Variants in OSBP2 observed in about 807,000 individuals in gnomAD.
OSBP2 encodes the protein oxysterol-binding protein 2.
In OSBP2, 66 loss-of-function variants were observed where a neutral mutation model predicts 96.0. That is an observed-to-expected ratio of 0.69 (90% CI 0.56 to 0.84). The LOEUF is 0.84. Among genes scored for constraint, OSBP2 ranks in the 40% least tolerant of loss-of-function variants. The pLI is 0.00. For missense variants in OSBP2, 1,038 were observed against 1,222.7 expected (o/e 0.85, Z 2.25); for synonymous variants, 525 against 520.9 (o/e 1.01, Z -0.11).
rs1413685645 is a variant in OSBP2, at chr22:30,906,315, G to A, written c.2727G>A (p.Trp909Ter). The A allele has an allele frequency of 8.7e-6, 14 of 1,611,768 alleles. No individual in the cohort carries two copies. The Admixed American group carries it at 2.3e-4, about 27-fold the overall frequency. ...GGGAGGCCAAGGAGAAGCAAGACTG[G>A]CATATGTGCCCCAACATCTTCTGAG... ...GYWEAKEKQD[W>*]HMCPNIF The change falls in exon 14 of 14, where the codon TGG (tryptophan) becomes TGA (stop). Residue 909 changes from tryptophan to a stop codon, truncating the protein, a stop_gained. Coordinates refer to ENST00000332585, the MANE Select transcript of OSBP2 (RefSeq NM_030758.4). LOFTEE classifies it high-confidence loss of function.
intron 2 of OSBP2, among the ~76,000 whole-genome samples, chr22:30,828,875 C>T (rs554942418): frequency 1.7e-4 from 26 of 152,250 alleles, no homozygotes; most frequent in Admixed American, 6.5e-4. Context: ...TTCATGCCAA[C>T]CCTGAGCCCC....
intron 3 of OSBP2, among the ~76,000 whole-genome samples, chr22:30,876,371 G>A (rs1033005424): frequency 1.3e-5 from 2 of 152,156 alleles, no homozygotes; most frequent in South Asian, 4.1e-4. Context: ...CTTGGTCATT[G>A]GGCAAGGCTT....
intron 2 of OSBP2, among the ~76,000 whole-genome samples, chr22:30,762,792 GCCAGATGTTTGCTC>G (rs1382312056): frequency 6.6e-6 from 1 of 152,178 alleles, no homozygotes; most frequent in Non-Finnish European, 1.5e-5. Flanking sequence ...TCCTGCCTGG[GCCAGATGTTTGCTC>G]CCAGGTGTTT....
intron 1 of OSBP2, among the ~76,000 whole-genome samples, chr22:30,706,625 C>T (rs986030851): frequency 3.3e-5 from 5 of 152,108 alleles, no homozygotes; most frequent in African/African-American, 9.7e-5. Flanking sequence ...CAGATGAAGC[C>T]CTGACCCTCG....
At chr22:30,855,341 A>C (rs1474852846) in intron 2 of OSBP2, among the ~76,000 whole-genome samples, 1 of 152,164 alleles carries the variant, frequency 6.6e-6, no homozygotes, top group Non-Finnish European at 1.5e-5. Context: ...CCAGAGCCAA[A>C]GCTGCCCACC....
chr22:30,902,267 G>A (rs777379196), intron 12 of OSBP2: 146 of 1,587,750 alleles, frequency 9.2e-5, no homozygotes, highest in Admixed American at 4.4e-4. Flanking sequence ...GGTTCAGGGC[G>A]ACATAGATGC....
At chr22:30,706,176 T>C (rs1410619364) in intron 1 of OSBP2, among the ~76,000 whole-genome samples, 1 of 152,190 alleles carries the variant, frequency 6.6e-6, no homozygotes, top group African/African-American at 2.4e-5. Flanking sequence ...GGCAGCTTGG[T>C]GTGTGGTGAA....
intron 1 of OSBP2, among the ~76,000 whole-genome samples, chr22:30,715,479 T>C (rs1004648263): frequency 1.3e-5 from 2 of 151,170 alleles, no homozygotes; most frequent in Admixed American, 1.3e-4. Flanking sequence ...GGGGCTCAAG[T>C]GATCCTCCCA....
chr22:30,821,777 G>T (rs2038278517), intron 2 of OSBP2, among the ~76,000 whole-genome samples: 1 of 152,214 alleles, frequency 6.6e-6, no homozygotes, highest in East Asian at 1.9e-4. Flanking sequence ...GGAAAACTAG[G>T]ATTCTTTAAC....
chr22:30,779,712 A>G (rs1320724513), intron 2 of OSBP2, among the ~76,000 whole-genome samples: 3 of 152,146 alleles, frequency 2.0e-5, no homozygotes, highest in Admixed American at 2.0e-4. Context: ...GAAAAGAAGT[A>G]CCTTTTTTTC....
rs950287288 is a variant in OSBP2, at chr22:30,777,373, G to GA, written c.853+36005dup. Among the ~76,000 whole-genome samples, 25 of 152,248 alleles carry GA rather than the reference G, an allele frequency of 1.6e-4. 3 individuals carry two copies. Among genetic ancestry groups the GA allele is most frequent in the Admixed American group, 1.4e-3 (21 of 15,286 alleles). On this transcript the variant is annotated intron_variant, in intron 2 of 13. Coordinates refer to ENST00000332585, the MANE Select transcript of OSBP2 (RefSeq NM_030758.4). ...TCATGATGGTGAATAAGTATCACGA[G>GA]ATCTGATGGTTTTTAAAAAGGGGTG... is the stretch of plus-strand genomic sequence containing the variant.
intron 2 of OSBP2, among the ~76,000 whole-genome samples, chr22:30,757,811 A>G (rs2090159997): frequency 6.6e-6 from 1 of 152,166 alleles, no homozygotes; most frequent in Admixed American, 6.5e-5. Flanking sequence ...AAACTGTACT[A>G]GCCAAGGTCT....
intron 2 of OSBP2, among the ~76,000 whole-genome samples, chr22:30,791,667 A>G (rs906436116): frequency 6.6e-5 from 10 of 152,142 alleles, no homozygotes; most frequent in Non-Finnish European, 1.2e-4. Context: ...CTGTCTCTTT[A>G]ATGTATCCGT....
At chr22:30,817,876 A>G (rs1253303480) in intron 2 of OSBP2, among the ~76,000 whole-genome samples, 1 of 152,122 alleles carries the variant, frequency 6.6e-6, no homozygotes, top group Non-Finnish European at 1.5e-5. Context: ...GGAAGCTCAC[A>G]CTTGAGGAAA....
rs10691256 is a variant in OSBP2, at chr22:30,752,288, C to CTTTTTTTTTTTTTTTTTTTT, written c.853+10928_853+10947dup. ...GGCCACATATTTTTTCTTTGCTTTGCTTTTTTTTTTTTTTTTTTTTTTTTT... is the reference window on the plus strand; with the variant it reads ...GGCCACATATTTTTTCTTTGCTTTGCTTTTTTTTTTTTTTTTTTTTTTTTTTTTTTTTTTTTTTTTTTTTT... On this transcript the variant is annotated intron_variant, in intron 2 of 13. Transcript: ENST00000332585. 6.2e-5 allele frequency among the ~76,000 whole-genome samples: 3 copies of CTTTTTTTTTTTTTTTTTTTT among 48,674 alleles called. 1 individual carries two copies. The highest frequency in any genetic ancestry group is 7.4e-5 in the Non-Finnish European group (2 of 26,946). 31.9% of individuals were successfully genotyped at this position (48,674 alleles called of 152,430 possible).
Position 30,694,981 on chromosome 22 carries a change from C to T in OSBP2, c.72C>T (p.Phe24=), listed in dbSNP as rs1486682165. 6.5e-7 allele frequency: 1 copy of T among 1,544,682 alleles called. No homozygotes were observed. The highest frequency in any genetic ancestry group is 2.5e-5 in the East Asian group (1 of 40,732). ...GCTCCCGCGGGCTCTCGTCGCTGTT[C>T]ACGGTTGTCCCCTGCCTGTCGTGCC... is the stretch of plus-strand genomic sequence containing the variant. ...GGRSRGLSSL[F]TVVPCLSCHT... is the part of the protein sequence containing the mutation. Residue 24 remains phenylalanine (F), a synonymous_variant, in exon 1 of 14, where the codon TTC becomes TTT. Coordinates refer to ENST00000332585, the MANE Select transcript of OSBP2 (RefSeq NM_030758.4).
chr22:30,711,355 A>G (rs2089345955), intron 1 of OSBP2, among the ~76,000 whole-genome samples: 1 of 152,018 alleles, frequency 6.6e-6, no homozygotes, highest in Non-Finnish European at 1.5e-5. Context: ...AAATACATTT[A>G]TATCCTGGCT....
chr22:30,768,550 G>A lies in OSBP2; in HGVS notation c.853+27181G>A, dbSNP rs889630583. ...AAGTTATCTGGGCATGGTGGCATAT[G>A]CCTGTAGTCCCACCTACTCGGGAGG... On this transcript the variant is annotated intron_variant, in intron 2 of 13. Coordinates refer to ENST00000332585, the MANE Select transcript of OSBP2 (RefSeq NM_030758.4). Among the ~76,000 whole-genome samples the A allele has an allele frequency of 1.2e-4, 18 of 152,180 alleles. No individual in the cohort carries two copies. The East Asian group carries it at 3.3e-3, about 28-fold the overall frequency.
chr22:30,807,366 C>T (rs1056368732), intron 2 of OSBP2, among the ~76,000 whole-genome samples: 4 of 152,222 alleles, frequency 2.6e-5, no homozygotes, highest in African/African-American at 9.6e-5. Flanking sequence ...TCATTACTGA[C>T]TCTTTGCAAA....
Sources: gnomAD v4.1 joint callset for allele counts (sites outside exome capture counted in the v4.1 genomes callset) on GRCh38, gnomAD v4.1.1 for gene constraint, MANE v1.5 for transcripts, NCBI Gene and HGNC (gene_info 2026-07-23, HGNC 2026-07-21) for gene names.